Variants in MID1 observed in about 807,000 individuals in gnomAD.
MID1 encodes E3 ubiquitin-protein ligase Midline-1.
MID1 carries 7 observed loss-of-function variants against 40.4 expected under a neutral mutation model. That is an observed-to-expected ratio of 0.17 (90% CI 0.10 to 0.33). The LOEUF (loss-of-function observed/expected upper bound fraction) is 0.33, where lower values mean the gene tolerates loss of function less well. Ranked by LOEUF, MID1 falls within the 10% of genes least tolerant of loss-of-function variation. MID1 has a pLI of 1.00. For synonymous variants in MID1, 229 were observed against 221.2 expected, an observed-to-expected ratio of 1.04 and a Z score of -0.31; for missense variants, 367 against 558.5, an observed-to-expected ratio of 0.66 and a Z score of 3.46.
chrX:10,823,848 TATA>T (rs1330327012), intron 1 of MID1, among the ~76,000 whole-genome samples: 2 of 111,603 alleles, frequency 1.8e-5, no homozygotes, highest in East Asian at 5.6e-4. Flanking sequence ...TATTTTGGAA[TATA>T]GCAATATGCA....
intron 1 of MID1, among the ~76,000 whole-genome samples, chrX:10,729,753 GAA>G (rs1461616074): frequency 2.7e-5 from 3 of 111,910 alleles, no homozygotes; most frequent in Non-Finnish European, 5.6e-5. Context: ...TTCATTTCTA[GAA>G]ATGGTACTTT....
intron 1 of MID1, among the ~76,000 whole-genome samples, chrX:10,617,361 T>C (rs1263924117): frequency 8.9e-6 from 1 of 112,136 alleles, no homozygotes; most frequent in Non-Finnish European, 1.9e-5. Flanking sequence ...AAGACTTTCA[T>C]TATTAAGCCA....
intron 1 of MID1, among the ~76,000 whole-genome samples, chrX:10,574,148 G>A (rs774159983): frequency 1.6e-3 from 182 of 112,056 alleles, no homozygotes; most frequent in African/African-American, 5.0e-3. Flanking sequence ...AGCTGACCTT[G>A]AGATGGGGAG....
chrX:10,638,837 T>C (rs1349109171), intron 1 of MID1, among the ~76,000 whole-genome samples: 1 of 111,996 alleles, frequency 8.9e-6, no homozygotes, highest in Non-Finnish European at 1.9e-5. Context: ...TAGCAAAATT[T>C]GCTGTTCTGC....
chrX:10,603,182 G>A (rs7052249), intron 1 of MID1, among the ~76,000 whole-genome samples: 3 of 111,462 alleles, frequency 2.7e-5, no homozygotes, highest in Non-Finnish European at 3.8e-5. Context: ...TCTTAGAACC[G>A]CTTTTCTCTT....
intron 3 of MID1, among the ~76,000 whole-genome samples, chrX:10,520,800 G>A (rs1255323782): frequency 9.0e-6 from 1 of 111,385 alleles, no homozygotes; most frequent in Non-Finnish European, 1.9e-5. Flanking sequence ...ATACAAAGAC[G>A]AATTAGATTT....
intron 1 of MID1, among the ~76,000 whole-genome samples, chrX:10,678,942 T>C (rs1404771347): frequency 9.0e-6 from 1 of 111,305 alleles, no homozygotes; most frequent in African/African-American, 3.3e-5. Flanking sequence ...GAGTATAATA[T>C]ACCACCACCA....
At chrX:10,610,173 A>T (rs768700828) in intron 1 of MID1, among the ~76,000 whole-genome samples, 1 of 112,347 alleles carries the variant, frequency 8.9e-6, no homozygotes, top group South Asian at 3.7e-4. Flanking sequence ...GCAAAGGTGC[A>T]CAAGTTGGAC....
chrX:10,740,189 T>A (rs1265952607), intron 1 of MID1, among the ~76,000 whole-genome samples: 1 of 112,932 alleles, frequency 8.9e-6, no homozygotes. Context: ...GAAAGATAAA[T>A]GAAGAAAATC....
chrX:10,719,893 G>A (rs1470533040), intron 1 of MID1, among the ~76,000 whole-genome samples: 1 of 111,172 alleles, frequency 9.0e-6, no homozygotes, highest in Non-Finnish European at 1.9e-5. Context: ...AAATAATGCT[G>A]CATATCTACA....
chrX:10,735,121 A>G (rs2043478479), intron 1 of MID1, among the ~76,000 whole-genome samples: 1 of 111,269 alleles, frequency 9.0e-6, no homozygotes, highest in Non-Finnish European at 1.9e-5. Context: ...TTATTTTTTG[A>G]GATGGAGTTT....
At chrX:10,489,981 C>A (rs1930848706) in intron 4 of MID1, among the ~76,000 whole-genome samples, 2 of 111,806 alleles carry the variant, frequency 1.8e-5, no homozygotes, top group South Asian at 7.5e-4. Context: ...AGGTGTGAGC[C>A]ACCGCACCCG....
In MID1 at chrX:10,445,557, C is replaced by T. The variant is rs1927999051; in HGVS notation, c.*3811G>A. ...ACAGAGACAGGCAGAGACAGAGGGT[C>T]TTGGTGCCACAAAAATGATTTTATT... On this transcript the variant is annotated 3_prime_UTR_variant, in exon 10 of 10. Coordinates refer to ENST00000317552, the MANE Select transcript of MID1 (RefSeq NM_000381.4). 1 of 111,828 alleles carries T rather than the reference C, an allele frequency of 8.9e-6. No homozygotes were observed. Among genetic ancestry groups the T allele is most frequent in the Admixed American group, 9.4e-5 (1 of 10,594 alleles). The allele number at this position is 111,828 out of a possible 1,213,427, so 9.2% of individuals were successfully genotyped here.
chrX:10,559,155 T>C (rs888208678), intron 2 of MID1, among the ~76,000 whole-genome samples: 2 of 112,614 alleles, frequency 1.8e-5, no homozygotes, highest in Non-Finnish European at 3.7e-5. Flanking sequence ...TATTTGGAAA[T>C]CTTATTTTAA....
chrX:10,794,508 G>A (rs1415342510), intron 1 of MID1, among the ~76,000 whole-genome samples: 3 of 112,316 alleles, frequency 2.7e-5, no homozygotes, highest in Non-Finnish European at 5.6e-5. Flanking sequence ...CAAGCACAGA[G>A]CTAAGGAACT....
chrX:10,580,571 T>C (rs994364107), intron 1 of MID1, among the ~76,000 whole-genome samples: 7 of 111,524 alleles, frequency 6.3e-5, no homozygotes, highest in Non-Finnish European at 1.3e-4. Context: ...GCTAGTATGA[T>C]GGTACATTTA....
At chrX:10,664,948 G>A (rs1490490504) in intron 1 of MID1, among the ~76,000 whole-genome samples, 1 of 111,772 alleles carries the variant, frequency 8.9e-6, no homozygotes, top group Non-Finnish European at 1.9e-5. Flanking sequence ...GTTATTTATT[G>A]GTGAGGAAAT....
chrX:10,511,817 G>A (rs1007357331), intron 3 of MID1, among the ~76,000 whole-genome samples: 1 of 112,575 alleles, frequency 8.9e-6, no homozygotes, highest in African/African-American at 3.2e-5. Flanking sequence ...TAGGACCCAA[G>A]TCTGACCACT....
chrX:10,682,904 A>G (rs1234838450), intron 1 of MID1, among the ~76,000 whole-genome samples: 1 of 111,857 alleles, frequency 8.9e-6, no homozygotes, highest in Non-Finnish European at 1.9e-5. Context: ...AGAGCAATCC[A>G]CAGGCAAAGG....
Sources: gnomAD v4.1 joint callset for allele counts (sites outside exome capture counted in the v4.1 genomes callset) on GRCh38, gnomAD v4.1.1 for gene constraint, MANE v1.5 for transcripts, NCBI Gene and HGNC (gene_info 2026-07-23, HGNC 2026-07-21) for gene names.